Variants in XYLT1 observed in about 807,000 individuals in gnomAD.
The protein encoded by XYLT1 is beta-D-xylosyltransferase 1.
Under a neutral mutation model 91.3 loss-of-function variants are expected in XYLT1, and 36 were observed. That is an observed-to-expected ratio of 0.39 (90% CI 0.30 to 0.52). The LOEUF is 0.52. Ranked by LOEUF, XYLT1 falls within the 20% of genes least tolerant of loss-of-function variation. The probability of loss-of-function intolerance (pLI) is 0.68; values close to 1 mark genes in which losing one functional copy is unlikely to be tolerated. For missense variants in XYLT1, 1,242 were observed against 1,284.5 expected (o/e 0.97, Z 0.51); for synonymous variants, 588 against 532.0 (o/e 1.11, Z -1.45).
Position 17,272,779 on chromosome 16 carries a change from G to A in XYLT1, c.403-13281C>T, listed in dbSNP as rs552579581. On this transcript the variant is annotated intron_variant, in intron 2 of 11. Transcript: ENST00000261381. ...CCTTAGCCCTCTGGCATGTCTGCAC[G>A]CGGTGACACTGCTTCCCACCAATGA... 2.0e-5 allele frequency among the ~76,000 whole-genome samples: 3 copies of A among 152,290 alleles called. No homozygotes were observed. In the South Asian group the frequency reaches 6.2e-4, roughly 32 times the overall value.
intron 1 of XYLT1, among the ~76,000 whole-genome samples, chr16:17,397,552 C>G (rs1323778868): frequency 1.3e-5 from 2 of 152,112 alleles, no homozygotes; most frequent in African/African-American, 2.4e-5. Flanking sequence ...TTCATTCCCC[C>G]CTTTACTCTA....
At position 17,141,235 on chromosome 16, in the gene XYLT1, A is replaced by C. The variant is rs777068260; in HGVS notation, c.1505T>G (p.Phe502Cys). Residue 502 changes from phenylalanine (F) to cysteine (C), a missense_variant, in exon 7 of 12, where the codon TTT becomes TGT. Physicochemically the swap from Phe to Cys is radical, Grantham distance 205 (BLOSUM62 -2). Around this residue, in one of 3 missense-constraint regions of XYLT1, gnomAD observed 294 missense variants for 376.0 expected, o/e 0.78. Transcript: ENST00000261381. ...GSDWFLLNRR[F>C]VEYVTFSTDD... is the part of the protein sequence containing the mutation. ...TGTGGAGAAGGTCACATATTCTACA[A>C]ACCTCCGGTTCAGCAGGAACCAGTC... 1.9e-6 allele frequency: 3 copies of C among 1,614,238 alleles called. No homozygotes were observed. Among genetic ancestry groups the C allele is most frequent in the Non-Finnish European group, 2.5e-6 (3 of 1,180,044 alleles).
chr16:17,332,571 C>CAT (rs769004028), intron 2 of XYLT1, among the ~76,000 whole-genome samples: 19,698 of 99,484 alleles, frequency 0.2, 1,047 homozygotes, highest in Non-Finnish European at 0.21. Context: ...CACACATACA[C>CAT]ACACACACAC....
chr16:17,134,594 C>G lies in XYLT1; in HGVS notation c.1906G>C (p.Asp636His). 2 of 1,614,180 alleles carry G rather than the reference C, an allele frequency of 1.2e-6. No individual in the cohort carries two copies. Among genetic ancestry groups the G allele is most frequent in the Non-Finnish European group, 1.7e-6 (2 of 1,180,038 alleles). Residue 636 changes from aspartate to histidine, a missense_variant, in exon 9 of 12, where the codon GAT (aspartate) becomes CAT (histidine). Coordinates refer to ENST00000261381, the MANE Select transcript of XYLT1 (RefSeq NM_022166.4). The part of the protein sequence containing the change: ...GLRSYWENVY[D>H]EPDGIHSLSD... ...AGGCTGTGGATGCCGTCAGGCTCATCGTAGACATTCTCCCAGTAGGAGCGC... is the reference window on the plus strand; with the variant it reads ...AGGCTGTGGATGCCGTCAGGCTCATGGTAGACATTCTCCCAGTAGGAGCGC...
chr16:17,263,007 A>C (rs935900403), intron 2 of XYLT1, among the ~76,000 whole-genome samples: 1 of 152,132 alleles, frequency 6.6e-6, no homozygotes, highest in African/African-American at 2.4e-5. Context: ...TTCTGTCCCT[A>C]AGCCCATTTT....
At chr16:17,279,526 G>T (rs568680881) in intron 2 of XYLT1, among the ~76,000 whole-genome samples, 1 of 152,282 alleles carries the variant, frequency 6.6e-6, no homozygotes, top group South Asian at 2.1e-4. Flanking sequence ...GTCCCAGGCT[G>T]GAAGTGAGCT....
chr16:17,215,010 G>T (rs2032829242), intron 3 of XYLT1, among the ~76,000 whole-genome samples: 1 of 152,184 alleles, frequency 6.6e-6, no homozygotes. Context: ...TGAAGGCCTA[G>T]CCTCTCCTGT....
intron 1 of XYLT1, among the ~76,000 whole-genome samples, chr16:17,466,563 A>C (rs771861674): frequency 7.9e-5 from 12 of 152,234 alleles, no homozygotes; most frequent in Non-Finnish European, 1.8e-4. Context: ...AACTTACGCC[A>C]TGGCTGGCTT....
chr16:17,362,341 C>T (rs1357660147), intron 1 of XYLT1, among the ~76,000 whole-genome samples: 2 of 152,020 alleles, frequency 1.3e-5, no homozygotes, highest in African/African-American at 4.8e-5. Flanking sequence ...GTCACTTTGC[C>T]ACAGCAAGGA....
intron 1 of XYLT1, among the ~76,000 whole-genome samples, chr16:17,424,794 G>T (rs2036292888): frequency 6.6e-6 from 1 of 151,456 alleles, no homozygotes; most frequent in African/African-American, 2.4e-5. Context: ...CTTGAACCCG[G>T]GAGGCAGAGG....
intron 2 of XYLT1, among the ~76,000 whole-genome samples, chr16:17,297,908 C>T (rs1268154858): frequency 1.3e-5 from 2 of 152,048 alleles, no homozygotes; most frequent in East Asian, 3.9e-4. Context: ...GTAGTCCCAG[C>T]TACTCGGGAG....
chr16:17,366,008 T>C (rs541990719), intron 1 of XYLT1, among the ~76,000 whole-genome samples: 2 of 151,752 alleles, frequency 1.3e-5, no homozygotes, highest in South Asian at 4.2e-4. Flanking sequence ...AGCTACAGAG[T>C]GTTAAGACAA....
chr16:17,349,381 A>G (rs1250882015), intron 2 of XYLT1, among the ~76,000 whole-genome samples: 1 of 152,082 alleles, frequency 6.6e-6, no homozygotes, highest in Non-Finnish European at 1.5e-5. Context: ...TATCTTATTG[A>G]TATCTCTACC....
chr16:17,312,954 C>T lies in XYLT1; in HGVS notation c.402+45058G>A, dbSNP rs536286468. 4.6e-5 allele frequency among the ~76,000 whole-genome samples: 7 copies of T among 152,230 alleles called. No homozygotes were observed. Among genetic ancestry groups the T allele is most frequent in the African/African-American group, 1.4e-4 (6 of 41,466 alleles). On this transcript the variant is annotated intron_variant, in intron 2 of 11. Transcript: ENST00000261381. The surrounding 1 kb of genome is among the most constrained non-coding windows in gnomAD (Gnocchi z 4.4). ...TAGGTTCCAGACCCATCCCAAAGAACCGGATCCTCTTGGAAAAGCTCCCCC... is the reference window on the plus strand; with the variant it reads ...TAGGTTCCAGACCCATCCCAAAGAATCGGATCCTCTTGGAAAAGCTCCCCC...
At chr16:17,262,883 C>T (rs953720162) in intron 2 of XYLT1, among the ~76,000 whole-genome samples, 2 of 152,152 alleles carry the variant, frequency 1.3e-5, no homozygotes, top group African/African-American at 2.4e-5. Context: ...AGGAGCTAAC[C>T]TGATCTCCTT....
At chr16:17,186,711 C>T (rs1019883122) in intron 5 of XYLT1, among the ~76,000 whole-genome samples, 4 of 152,082 alleles carry the variant, frequency 2.6e-5, no homozygotes, top group Admixed American at 6.6e-5. Flanking sequence ...CTGCTCCCTG[C>T]GGAACACCCA....
intron 2 of XYLT1, among the ~76,000 whole-genome samples, chr16:17,341,525 T>C (rs531352195): frequency 2.1e-4 from 32 of 152,328 alleles, no homozygotes; most frequent in African/African-American, 7.7e-4. Context: ...AATATGCACA[T>C]GAATACACTC....
chr16:17,344,138 T>G (rs529452988), intron 2 of XYLT1, among the ~76,000 whole-genome samples: 86 of 152,108 alleles, frequency 5.7e-4, no homozygotes, highest in African/African-American at 2.0e-3. Context: ...AAATCTAGTG[T>G]GTACATGCCA....
At chr16:17,205,483 T>C (rs2032626001) in intron 3 of XYLT1, among the ~76,000 whole-genome samples, 1 of 152,250 alleles carries the variant, frequency 6.6e-6, no homozygotes, top group Non-Finnish European at 1.5e-5. Context: ...CAAGCCTTAG[T>C]ATTCTGATCT....
Sources: allele counts gnomAD v4.1 joint callset (sites outside exome capture counted in the v4.1 genomes callset), GRCh38; gene constraint gnomAD v4.1.1; regional missense constraint gnomAD v4.1.1; non-coding constraint Gnocchi (gnomAD v3.1); transcripts MANE v1.5; gene names NCBI Gene and HGNC (gene_info 2026-07-23, HGNC 2026-07-21).